MARK4: variants seen among roughly 807,000 people sequenced by gnomAD.
MARK4 encodes the protein MAP/microtubule affinity-regulating kinase 4.
In MARK4, 19 loss-of-function variants were observed where a neutral mutation model predicts 81.5. That is an observed-to-expected ratio of 0.23 (90% CI 0.16 to 0.34). MARK4 has a LOEUF of 0.34. MARK4 is among the 10% of genes least tolerant of loss of function. MARK4 has a pLI of 1.00. For missense variants in MARK4, 772 were observed against 1,058.8 expected (o/e 0.73, Z 3.76); for synonymous variants, 436 against 439.0 (o/e 0.99, Z 0.08).
chr19:45,277,516 C>T (rs1238345864), intron 8 of MARK4, among the ~76,000 whole-genome samples: 1 of 149,604 alleles, frequency 6.7e-6, no homozygotes. Flanking sequence ...CCTCCTCCCT[C>T]GGCCTCCCAA....
chr19:45,276,489 C>G (rs1970599097), intron 8 of MARK4, among the ~76,000 whole-genome samples: 1 of 152,130 alleles, frequency 6.6e-6, no homozygotes, highest in Non-Finnish European at 1.5e-5. Context: ...TCTCTTTGGA[C>G]AGCAGGCATG....
intron 15 of MARK4, chr19:45,298,343 T>G (rs1378957359): frequency 1.7e-5 from 18 of 1,051,956 alleles, no homozygotes; most frequent in Non-Finnish European, 2.6e-5. Context: ...GGGGTCTGGT[T>G]GTTCATTTAC....
chr19:45,262,826 G>A lies in MARK4; in HGVS notation c.253-287G>A, dbSNP rs544800381. On this transcript the variant is annotated intron_variant, in intron 2 of 16. Coordinates refer to ENST00000262891, the MANE Select transcript of MARK4 (RefSeq NM_001199867.2). ...GCTGGGCCAGCTGGAGTGCAGTGAC[G>A]TCATCTTGGCTCACTGCAACCTCTG... Among the ~76,000 whole-genome samples, 340 of 152,322 alleles carry A rather than the reference G, an allele frequency of 2.2e-3. 2 individuals carry two copies. The highest frequency in any genetic ancestry group is 4.2e-3 in the Non-Finnish European group (288 of 68,032).
chr19:45,258,567 G>C (rs1413062652), intron 1 of MARK4, among the ~76,000 whole-genome samples: 1 of 152,062 alleles, frequency 6.6e-6, no homozygotes, highest in Non-Finnish European at 1.5e-5. Context: ...AGGCATGATG[G>C]TGCACGCCTG....
chr19:45,255,661 T>C (rs1049334619), intron 1 of MARK4, among the ~76,000 whole-genome samples: 3 of 151,582 alleles, frequency 2.0e-5, no homozygotes, highest in African/African-American at 7.3e-5. Flanking sequence ...GATAATAGTG[T>C]GGTAATGGCC....
chr19:45,269,026 G>A (rs1237803048), intron 7 of MARK4, among the ~76,000 whole-genome samples: 1 of 152,076 alleles, frequency 6.6e-6, no homozygotes, highest in Non-Finnish European at 1.5e-5. Context: ...CCAACCAAGG[G>A]GACCAACCCA....
chr19:45,299,113 G>A (rs935756616), intron 15 of MARK4, among the ~76,000 whole-genome samples: 3 of 151,414 alleles, frequency 2.0e-5, no homozygotes, highest in Non-Finnish European at 4.4e-5. Flanking sequence ...GGGAATAAGG[G>A]GTGTGGGGAA....
intron 8 of MARK4, among the ~76,000 whole-genome samples, chr19:45,275,381 A>T (rs986146357): frequency 1.3e-5 from 2 of 152,110 alleles, no homozygotes; most frequent in Admixed American, 6.5e-5. Context: ...GCTACTTGGG[A>T]TGCTGAGGTG....
At position 45,271,040 on chromosome 19, in the gene MARK4, G is replaced by A. The variant is rs1484710125; in HGVS notation, c.550-432G>A. Among the ~76,000 whole-genome samples, 4 of 152,164 alleles carry A rather than the reference G, an allele frequency of 2.6e-5. No individual in the cohort carries two copies. Among genetic ancestry groups the A allele is most frequent in the South Asian group, 2.1e-4 (1 of 4,836 alleles). The stretch of plus-strand genomic sequence containing the variant: ...CCACCTCGGCTTCCCAAAGTTCTGC[G>A]ATTACAGGCGTGAGCCACGGTGCCC... On this transcript the variant is annotated intron_variant, in intron 7 of 16. Coordinates refer to ENST00000262891, the MANE Select transcript of MARK4 (RefSeq NM_001199867.2). The surrounding 1 kb of genome is among the most constrained non-coding windows in gnomAD (Gnocchi z 4.1).
chr19:45,268,326 C>T (rs1014986651), intron 7 of MARK4, among the ~76,000 whole-genome samples: 3 of 151,646 alleles, frequency 2.0e-5, no homozygotes, highest in African/African-American at 7.3e-5. Flanking sequence ...GTGGCTCTCA[C>T]CTGTCCCAGC....
chr19:45,280,890 G>A lies in MARK4; in HGVS notation c.1276+156G>A, dbSNP rs79675786. Among the ~76,000 whole-genome samples the A allele has an allele frequency of 7.3e-3, 1,112 of 152,218 alleles. 19 individuals carry two copies. Among genetic ancestry groups the A allele is most frequent in the African/African-American group, 0.025 (1,045 of 41,532 alleles). ...TTATAAAGACACAGGGCATTGCATG[G>A]AACTTGGAGGCAGGAATGCACAGCC... On this transcript the variant is annotated intron_variant, in intron 12 of 16. Coordinates refer to ENST00000262891, the MANE Select transcript of MARK4 (RefSeq NM_001199867.2).
At chr19:45,273,732 A>T (rs895172472) in intron 8 of MARK4, among the ~76,000 whole-genome samples, 1 of 152,196 alleles carries the variant, frequency 6.6e-6, no homozygotes, top group Non-Finnish European at 1.5e-5. Flanking sequence ...TTGGGGCAGG[A>T]ATTCTGCAGC....
At chr19:45,280,810 T>C (rs1970664750) in intron 12 of MARK4, 76 bp downstream of exon 12, 1 of 1,570,572 alleles carries the variant, frequency 6.4e-7, no homozygotes, top group Non-Finnish European at 8.7e-7. Flanking sequence ...CAGGGTTCTC[T>C]GATTGGCAAG....
chr19:45,266,289 C>T lies in MARK4; in HGVS notation c.549+8C>T. 6.2e-7 allele frequency: 1 copy of T among 1,613,670 alleles called. No individual in the cohort carries two copies. Among genetic ancestry groups the T allele is most frequent in the Non-Finnish European group, 8.5e-7 (1 of 1,179,680 alleles). On this transcript the variant is annotated splice_region_variant and intron_variant, in intron 7 of 16. Transcript: ENST00000262891. ...GTACACAGGGACCTGAAGGTAAGCC[C>T]CCGACCCGCTGTGATCTCAGGGACC...
rs201799354 is a variant in MARK4 at position 45,261,619 on chromosome 19, C to G, written c.253-1494C>G. The stretch of plus-strand genomic sequence containing the variant: ...TTCTGAGAGGGACCTGGCCCCATCT[C>G]TGTTTTAAAAATAAAATAAAAGTTT... On this transcript the variant is annotated intron_variant, in intron 2 of 16. Transcript: ENST00000262891. 3.9e-5 allele frequency among the ~76,000 whole-genome samples: 6 copies of G among 152,312 alleles called. No individual in the cohort carries two copies. The East Asian group carries it at 1.2e-3, about 29-fold the overall frequency.
Position 45,264,037 on chromosome 19 carries a change from G to A in MARK4, c.356-647G>A, listed in dbSNP as rs563177080. Reference sequence around the variant, plus strand: ...GTGAGGGGTCTTTAGTGAGAGAAGCGGAGTTTAGCTCCGCCTGGATGTGGC... The same window carrying A: ...GTGAGGGGTCTTTAGTGAGAGAAGCAGAGTTTAGCTCCGCCTGGATGTGGC... On this transcript the variant is annotated intron_variant, in intron 4 of 16. Transcript: ENST00000262891. 2.7e-4 allele frequency among the ~76,000 whole-genome samples: 41 copies of A among 152,238 alleles called. No individual in the cohort carries two copies. The South Asian group carries it at 6.8e-3, about 25-fold the overall frequency.
intron 16 of MARK4, among the ~76,000 whole-genome samples, chr19:45,300,292 C>T (rs1325800413): frequency 1.6e-5 from 2 of 127,458 alleles, no homozygotes; most frequent in African/African-American, 5.8e-5. Flanking sequence ...TTGCGGTGAG[C>T]TGGATTGTGC....
In MARK4 at chr19:45,271,852, T is replaced by A; in HGVS notation, c.786+144T>A. ...AGATGGGGGATGGGCAGGATTCAAG[T>A]CCCCTCTGCAGTGAGGCCAGCCGAA... On this transcript the variant is annotated intron_variant, in intron 8 of 16. Transcript: ENST00000262891. This position sits in a 1 kb window ranked among gnomAD's most constrained non-coding sequence, Gnocchi z 4.1. The A allele has an allele frequency of 1.3e-6, 1 of 799,758 alleles. No homozygotes were observed. Among genetic ancestry groups the A allele is most frequent in the Non-Finnish European group, 2.0e-6 (1 of 502,750 alleles). The allele number at this position is 799,758 out of a possible 1,614,324, so 49.5% of individuals were successfully genotyped here. A position where few individuals can be genotyped will look rare whatever the true frequency, so the allele number is the denominator to read the frequency against.
chr19:45,292,169 G>A (rs1159853912), intron 13 of MARK4, among the ~76,000 whole-genome samples: 1 of 152,164 alleles, frequency 6.6e-6, no homozygotes, highest in African/African-American at 2.4e-5. Context: ...TGGACATGGT[G>A]GCACACACAT....
Sources: allele counts gnomAD v4.1 joint callset (sites outside exome capture counted in the v4.1 genomes callset), GRCh38; gene constraint gnomAD v4.1.1; non-coding constraint Gnocchi (gnomAD v3.1); transcripts MANE v1.5; gene names NCBI Gene and HGNC (gene_info 2026-07-23, HGNC 2026-07-21).